The following VTI1A variants were observed in gnomAD, a reference collection of about 807,000 sequenced individuals.
VTI1A encodes vesicle transport through interaction with t-SNAREs homolog 1A.
VTI1A carries 22 observed loss-of-function variants against 34.9 expected under a neutral mutation model. The ratio of observed to expected loss-of-function variants is 0.63; its 90% confidence interval spans 0.45 to 0.90. VTI1A has a LOEUF of 0.90. VTI1A is among the 40% of genes least tolerant of loss of function. VTI1A has a pLI of 0.00. For missense variants in VTI1A, 268 were observed against 275.6 expected (o/e 0.97, Z 0.20); for synonymous variants, 87 against 97.3 (o/e 0.89, Z 0.62).
chr10:112,652,648 G>A (rs1847077946), intron 5 of VTI1A, among the ~76,000 whole-genome samples: 1 of 146,544 alleles, frequency 6.8e-6, no homozygotes, highest in Admixed American at 7.2e-5. Context: ...GATCACTTGG[G>A]CCCAAGAGGT....
chr10:112,655,902 A>G (rs928411661), intron 5 of VTI1A, among the ~76,000 whole-genome samples: 1 of 152,218 alleles, frequency 6.6e-6, no homozygotes, highest in Admixed American at 6.5e-5. Flanking sequence ...GTTTATTAAA[A>G]GCTTCCTAGA....
At chr10:112,509,602 G>A (rs1325023962) in intron 3 of VTI1A, among the ~76,000 whole-genome samples, 1 of 152,196 alleles carries the variant, frequency 6.6e-6, no homozygotes, top group East Asian at 1.9e-4. Context: ...CATGCCCAAA[G>A]ATAATTCAGA....
intron 5 of VTI1A, among the ~76,000 whole-genome samples, chr10:112,628,588 A>G (rs112583899): frequency 0.018 from 2,743 of 152,308 alleles, 82 homozygotes; most frequent in African/African-American, 0.063. Context: ...TGTTCAACCA[A>G]CTGCCCTGGC....
chr10:112,576,000 CT>C (rs1843692886), intron 5 of VTI1A, among the ~76,000 whole-genome samples: 1 of 150,368 alleles, frequency 6.7e-6, no homozygotes, highest in Non-Finnish European at 1.5e-5. Flanking sequence ...ACCCTGCCCC[CT>C]GCCTTTTCTT....
At chr10:112,508,291 G>A (rs1849499052) in intron 3 of VTI1A, among the ~76,000 whole-genome samples, 1 of 152,148 alleles carries the variant, frequency 6.6e-6, no homozygotes, top group African/African-American at 2.4e-5. Flanking sequence ...TGCTTCTCAA[G>A]CTTATCTATT....
At chr10:112,565,694 G>C (rs924576300) in intron 5 of VTI1A, among the ~76,000 whole-genome samples, 1 of 152,202 alleles carries the variant, frequency 6.6e-6, no homozygotes, top group African/African-American at 2.4e-5. Context: ...TGTGCTGCCA[G>C]TAGTACATGG....
At chr10:112,655,026 A>C (rs1847177768) in intron 5 of VTI1A, among the ~76,000 whole-genome samples, 1 of 152,218 alleles carries the variant, frequency 6.6e-6, no homozygotes, top group Admixed American at 6.5e-5. Flanking sequence ...AAACTGCCCT[A>C]GATTGCCAAC....
chr10:112,508,455 T>C (rs1201069574), intron 3 of VTI1A, among the ~76,000 whole-genome samples: 4 of 152,208 alleles, frequency 2.6e-5, no homozygotes, highest in Admixed American at 6.5e-5. Context: ...TCAGGGTATA[T>C]TTGTTCTTGT....
chr10:112,619,214 C>CA (rs950004930), intron 5 of VTI1A, among the ~76,000 whole-genome samples: 3 of 151,968 alleles, frequency 2.0e-5, no homozygotes, highest in Non-Finnish European at 4.4e-5. Context: ...TGGTCCGAGC[C>CA]AATCCATTGC....
chr10:112,643,773 T>C (rs1590017030), intron 5 of VTI1A, among the ~76,000 whole-genome samples: 2 of 152,334 alleles, frequency 1.3e-5, no homozygotes, highest in South Asian at 4.1e-4. Flanking sequence ...TAAAGTTGCA[T>C]AACTAGCCGA....
At chr10:112,682,617 T>C (rs2133862260) in intron 7 of VTI1A, among the ~76,000 whole-genome samples, 1 of 152,336 alleles carries the variant, frequency 6.6e-6, no homozygotes, top group East Asian at 1.9e-4. Context: ...TTAAGAACTT[T>C]TGCTAAGCCT....
intron 5 of VTI1A, among the ~76,000 whole-genome samples, chr10:112,544,527 T>A (rs1237098829): frequency 1.3e-5 from 2 of 151,798 alleles, no homozygotes; most frequent in Non-Finnish European, 2.9e-5. Flanking sequence ...AAGTTAATAA[T>A]GGACAAGACC....
chr10:112,595,091 G>A (rs1324207806), intron 5 of VTI1A, among the ~76,000 whole-genome samples: 3 of 148,494 alleles, frequency 2.0e-5, no homozygotes, highest in Non-Finnish European at 4.5e-5. Flanking sequence ...ATGGTGCTGG[G>A]AAAACTGGCT....
At chr10:112,640,332 T>C (rs938725261) in intron 5 of VTI1A, among the ~76,000 whole-genome samples, 2 of 152,116 alleles carry the variant, frequency 1.3e-5, no homozygotes, top group African/African-American at 4.8e-5. Flanking sequence ...CATGGGTGTT[T>C]AAAAAATATG....
At chr10:112,718,017 C>G (rs2133934538) in intron 7 of VTI1A, among the ~76,000 whole-genome samples, 1 of 152,184 alleles carries the variant, frequency 6.6e-6, no homozygotes. Flanking sequence ...TGCACACACA[C>G]AAACCACAAA....
chr10:112,566,443 A>T (rs74604046), intron 5 of VTI1A, among the ~76,000 whole-genome samples: 3 of 152,248 alleles, frequency 2.0e-5, no homozygotes, highest in East Asian at 1.9e-4. Context: ...TGTCAAATAC[A>T]TGAAAAAATT....
Position 112,675,007 on chromosome 10 carries a change from G to A in VTI1A, c.560+6009G>A, listed in dbSNP as rs182304612. Among the ~76,000 whole-genome samples the A allele has an allele frequency of 4.5e-4, 68 of 152,182 alleles. No homozygotes were observed. In the East Asian group the frequency reaches 9.8e-3, roughly 22 times the overall value. On this transcript the variant is annotated intron_variant, in intron 7 of 7. Coordinates refer to ENST00000393077, the MANE Select transcript of VTI1A (RefSeq NM_145206.4). ...GGCAGTAAATAATTTCCTTAAACTAGGTTCATTGTTACAGTAAATAGAAAA... is the reference window on the plus strand; with the variant it reads ...GGCAGTAAATAATTTCCTTAAACTAAGTTCATTGTTACAGTAAATAGAAAA...
At chr10:112,659,393 G>A (rs1847361979) in intron 5 of VTI1A, among the ~76,000 whole-genome samples, 1 of 152,198 alleles carries the variant, frequency 6.6e-6, no homozygotes, top group South Asian at 2.1e-4. Context: ...GAATGGAGCT[G>A]TAATTAACAT....
chr10:112,741,727 A>C (rs1850701752), intron 7 of VTI1A, among the ~76,000 whole-genome samples: 1 of 152,208 alleles, frequency 6.6e-6, no homozygotes, highest in African/African-American at 2.4e-5. Flanking sequence ...TCAAAAATCA[A>C]CATATCTGAA....
Sources: allele counts gnomAD v4.1 joint callset (sites outside exome capture counted in the v4.1 genomes callset), GRCh38; gene constraint gnomAD v4.1.1; transcripts MANE v1.5; gene names NCBI Gene and HGNC (gene_info 2026-07-23, HGNC 2026-07-21).